Variants in NCAM2 observed in about 807,000 individuals in gnomAD.
NCAM2 encodes N-CAM-2.
Under a neutral mutation model 98.1 loss-of-function variants are expected in NCAM2, and 30 were observed. That is an observed-to-expected ratio of 0.31 (90% CI 0.23 to 0.41). The LOEUF is 0.41. NCAM2 is among the 10% of genes least tolerant of loss of function. The pLI, the probability that NCAM2 is intolerant of heterozygous loss-of-function variation, is 1.00. For missense variants in NCAM2, 867 were observed against 1,005.8 expected, an observed-to-expected ratio of 0.86 and a Z score of 1.87; for synonymous variants, 368 against 342.4, an observed-to-expected ratio of 1.07 and a Z score of -0.83.
chr21:21,214,746 T>TATATATATATAC (rs11268201), intron 1 of NCAM2, among the ~76,000 whole-genome samples: 5,398 of 100,244 alleles, frequency 0.054, 210 homozygotes, highest in African/African-American at 0.067. Context: ...TATATATATA[T>TATATATATATAC]ACACTATATA....
At chr21:21,406,576 G>A (rs1475024654) in intron 9 of NCAM2, among the ~76,000 whole-genome samples, 1 of 152,146 alleles carries the variant, frequency 6.6e-6, no homozygotes, top group Non-Finnish European at 1.5e-5. Context: ...GATTGTCACT[G>A]GCACTGGAGG....
chr21:21,160,132 C>G (rs1366443184), intron 1 of NCAM2, among the ~76,000 whole-genome samples: 1 of 152,024 alleles, frequency 6.6e-6, no homozygotes, highest in East Asian at 1.9e-4. Flanking sequence ...TGTAAATTTT[C>G]TGGCAGACTC....
intron 1 of NCAM2, among the ~76,000 whole-genome samples, chr21:21,067,082 A>C (rs1049440163): frequency 2.6e-4 from 40 of 151,706 alleles, no homozygotes; most frequent in African/African-American, 9.2e-4. Context: ...ATGCATAAAC[A>C]CTTTTTTAAA....
intron 1 of NCAM2, among the ~76,000 whole-genome samples, chr21:21,027,594 T>C (rs768253726): frequency 3.9e-5 from 6 of 152,206 alleles, no homozygotes; most frequent in Non-Finnish European, 5.9e-5. Context: ...AATATTAGAC[T>C]ATAGCTTAAT....
chr21:21,392,426 CTT>C, intron 9 of NCAM2, among the ~76,000 whole-genome samples: 1 of 152,170 alleles, frequency 6.6e-6, no homozygotes, highest in East Asian at 1.9e-4. Flanking sequence ...ATGAATGTGT[CTT>C]TATACTAGAA....
rs954371303 is a variant in NCAM2 at position 21,230,908 on chromosome 21, T to G, written c.56-49670T>G. On this transcript the variant is annotated intron_variant, in intron 1 of 17. Transcript: ENST00000400546. ...TGCTCTCCTACCTTCTCCCTGTAGTTGTAGGTGACTGGAATATTTTATTAT... is the reference window on the plus strand; with the variant it reads ...TGCTCTCCTACCTTCTCCCTGTAGTGGTAGGTGACTGGAATATTTTATTAT... Among the ~76,000 whole-genome samples, 10 of 151,348 alleles carry G rather than the reference T, an allele frequency of 6.6e-5. No individual in the cohort carries two copies. The East Asian group carries it at 1.9e-3, about 29-fold the overall frequency.
chr21:21,356,478 A>T lies in NCAM2; in HGVS notation c.1045-17385A>T, dbSNP rs922345370. On this transcript the variant is annotated intron_variant, in intron 8 of 17. Coordinates refer to ENST00000400546, the MANE Select transcript of NCAM2 (RefSeq NM_004540.5). The stretch of plus-strand genomic sequence containing the variant: ...TTATTTTTATTTATAAAATGTGAAG[A>T]TTACATTATATTTTTTGTTTCTTTT... 2.0e-5 allele frequency among the ~76,000 whole-genome samples: 3 copies of T among 152,082 alleles called. No homozygotes were observed. In the East Asian group the frequency reaches 5.8e-4, roughly 29 times the overall value.
chr21:21,514,282 C>T (rs1159230294), intron 16 of NCAM2, among the ~76,000 whole-genome samples: 2 of 151,068 alleles, frequency 1.3e-5, no homozygotes, highest in Non-Finnish European at 3.0e-5. Flanking sequence ...TCGAAACCAG[C>T]CTGGACAACA....
intron 15 of NCAM2, among the ~76,000 whole-genome samples, chr21:21,508,496 C>T (rs959447924): frequency 6.6e-6 from 1 of 151,514 alleles, no homozygotes; most frequent in African/African-American, 2.4e-5. Context: ...TGATAAAGTA[C>T]ATTTAGGGAT....
At chr21:21,363,218 A>G (rs945156287) in intron 8 of NCAM2, among the ~76,000 whole-genome samples, 1 of 152,164 alleles carries the variant, frequency 6.6e-6, no homozygotes, top group African/African-American at 2.4e-5. Context: ...TTAAAGAGCA[A>G]TGAAACTGCA....
intron 5 of NCAM2, among the ~76,000 whole-genome samples, chr21:21,301,689 TCC>T (rs1304395074): frequency 1.3e-5 from 2 of 150,244 alleles, no homozygotes; most frequent in African/African-American, 2.5e-5. Context: ...TCCAATTTCA[TCC>T]ATGTCCCTAC....
intron 9 of NCAM2, among the ~76,000 whole-genome samples, chr21:21,404,531 G>A (rs1555888387): frequency 6.6e-6 from 1 of 152,052 alleles, no homozygotes; most frequent in South Asian, 2.1e-4. Context: ...GTGAAACTGC[G>A]AGTTTATGAA....
intron 1 of NCAM2, among the ~76,000 whole-genome samples, chr21:21,218,880 C>T (rs770850260): frequency 1.3e-5 from 2 of 152,200 alleles, no homozygotes; most frequent in Non-Finnish European, 2.9e-5. Context: ...CCTGTTTCTA[C>T]TGAAAATACA....
chr21:21,005,843 A>G (rs1409255715), intron 1 of NCAM2, among the ~76,000 whole-genome samples: 1 of 151,940 alleles, frequency 6.6e-6, no homozygotes, highest in Non-Finnish European at 1.5e-5. Context: ...ACATGAAAAA[A>G]GATTTTTGGT....
chr21:21,059,844 A>G (rs557211044), intron 1 of NCAM2, among the ~76,000 whole-genome samples: 53 of 152,240 alleles, frequency 3.5e-4, no homozygotes, highest in Middle Eastern at 3.4e-3. Context: ...AATATGCTAC[A>G]GGGAAAGCAC....
At chr21:21,527,807 A>G (rs1021195294) in intron 16 of NCAM2, among the ~76,000 whole-genome samples, 6 of 152,320 alleles carry the variant, frequency 3.9e-5, no homozygotes, top group African/African-American at 1.4e-4. Context: ...AAGAAAATAA[A>G]TATACTCTTA....
chr21:21,259,164 G>A (rs979530749), intron 1 of NCAM2, among the ~76,000 whole-genome samples: 1 of 152,114 alleles, frequency 6.6e-6, no homozygotes, highest in Non-Finnish European at 1.5e-5. Flanking sequence ...TACAAAAAGA[G>A]TGGGGCCCAA....
chr21:21,396,904 C>T (rs373961578), intron 9 of NCAM2, among the ~76,000 whole-genome samples: 65 of 152,262 alleles, frequency 4.3e-4, no homozygotes, highest in African/African-American at 1.4e-3. Flanking sequence ...TTGCCTGCAA[C>T]GTGGCAAGTA....
At chr21:21,147,217 A>G (rs2067305477) in intron 1 of NCAM2, 2 of 976,864 alleles carry the variant, frequency 2.0e-6, no homozygotes, top group Non-Finnish European at 2.4e-6. Flanking sequence ...CTGCCTCCGC[A>G]GTTCTTAGTC....
Sources: allele counts gnomAD v4.1 joint callset (sites outside exome capture counted in the v4.1 genomes callset), GRCh38; gene constraint gnomAD v4.1.1; transcripts MANE v1.5; gene names NCBI Gene and HGNC (gene_info 2026-07-23, HGNC 2026-07-21).